ABCA13: variants seen among roughly 807,000 people sequenced by gnomAD.
ABCA13 encodes the protein ATP binding cassette subfamily A member 13.
ABCA13 carries 476 observed loss-of-function variants against 478.7 expected under a neutral mutation model. The ratio of observed to expected loss-of-function variants is 0.99; its 90% CI spans 0.92 to 1.07. The LOEUF (loss-of-function observed/expected upper bound fraction) is 1.07. Among genes scored for constraint, ABCA13 ranks in the 50% least tolerant of loss-of-function variants. The pLI is 0.00. For missense variants in ABCA13, 6,060 were observed against 5,910.6 expected (o/e 1.03, Z -0.83); for synonymous variants, 2,252 against 2,158.9 (o/e 1.04, Z -1.20).
intron 29 of ABCA13, among the ~76,000 whole-genome samples, chr7:48,344,601 A>G (rs1300499026): frequency 1.3e-5 from 2 of 152,182 alleles, no homozygotes; most frequent in African/African-American, 2.4e-5. Context: ...GACTTAAAGT[A>G]GCCTGTGTTT....
intron 3 of ABCA13, among the ~76,000 whole-genome samples, chr7:48,211,976 C>T (rs537290182): frequency 2.6e-5 from 4 of 152,140 alleles, no homozygotes; most frequent in African/African-American, 9.6e-5. Flanking sequence ...ATTGGTACTG[C>T]AACTCCACTG....
chr7:48,633,250 C>T (rs1380273869), intron 59 of ABCA13, among the ~76,000 whole-genome samples: 1 of 152,002 alleles, frequency 6.6e-6, no homozygotes, highest in Non-Finnish European at 1.5e-5. Flanking sequence ...TATGGAATGA[C>T]CAAAGGCACT....
intron 48 of ABCA13, among the ~76,000 whole-genome samples, chr7:48,496,321 T>C (rs1055106284): frequency 1.3e-5 from 2 of 152,114 alleles, no homozygotes; most frequent in Non-Finnish European, 2.9e-5. Context: ...ACTGATATTG[T>C]TATTTACTAC....
At chr7:48,316,390 T>A (rs1327144227) in intron 26 of ABCA13, among the ~76,000 whole-genome samples, 1 of 152,264 alleles carries the variant, frequency 6.6e-6, no homozygotes, top group Non-Finnish European at 1.5e-5. Context: ...ATTTATTTTT[T>A]GAATTGTCAT....
In ABCA13 at chr7:48,387,777, A is replaced by T. The variant is rs755886451; in HGVS notation, c.11336-45A>T. ...TAAGATATTCTAATACAGTACCTTC[A>T]TCTAAATAAAAAATTAAACTAATTT... On this transcript the variant is annotated intron_variant, in intron 35 of 61. Coordinates refer to ENST00000435803, the MANE Select transcript of ABCA13 (RefSeq NM_152701.5). 4.2e-6 allele frequency: 6 copies of T among 1,428,876 alleles called. No individual in the cohort carries two copies. In the South Asian group the frequency reaches 8.2e-5, roughly 20 times the overall value. 88.5% of individuals were successfully genotyped at this position (1,428,876 alleles called of 1,614,324 possible).
chr7:48,269,846 G>C (rs1370985865), intron 16 of ABCA13, among the ~76,000 whole-genome samples: 3 of 152,186 alleles, frequency 2.0e-5, no homozygotes, highest in Non-Finnish European at 4.4e-5. Context: ...TATCTGTCTA[G>C]AATGGGGATT....
At chr7:48,347,462 C>A (rs2128973362) in intron 29 of ABCA13, among the ~76,000 whole-genome samples, 1 of 152,304 alleles carries the variant, frequency 6.6e-6, no homozygotes, top group African/African-American at 2.4e-5. Flanking sequence ...GCACAGTATG[C>A]TGGAGTCACC....
Position 48,521,438 on chromosome 7 carries a change from C to T in ABCA13, c.14051+1144C>T, listed in dbSNP as rs542355218. Among the ~76,000 whole-genome samples the T allele has an allele frequency of 2.6e-5, 4 of 152,246 alleles. 1 individual carries two copies. Among genetic ancestry groups the T allele is most frequent in the African/African-American group, 9.6e-5 (4 of 41,550 alleles). On this transcript the variant is annotated intron_variant, in intron 53 of 61. Transcript: ENST00000435803. ...TCCTGACATATTTTGTTACATAACC[C>T]CTTTTAATAAAGTAAAATAGACACC...
intron 3 of ABCA13, among the ~76,000 whole-genome samples, chr7:48,215,219 T>C (rs1345948516): frequency 1.3e-5 from 2 of 152,314 alleles, no homozygotes; most frequent in South Asian, 2.1e-4. Flanking sequence ...TGTAGGGTTA[T>C]TAATTAGCCT....
At chr7:48,471,649 C>A (rs1333527196) in intron 45 of ABCA13, 50 bp downstream of exon 45, 2 of 1,473,566 alleles carry the variant, frequency 1.4e-6, no homozygotes, top group Admixed American at 2.2e-5. Context: ...ATTCAAGTGA[C>A]AAAAATGAGT....
chr7:48,376,945 A>G (rs1016305766), intron 35 of ABCA13, among the ~76,000 whole-genome samples: 2 of 152,070 alleles, frequency 1.3e-5, no homozygotes, highest in African/African-American at 4.8e-5. Flanking sequence ...TTGGCCAGAA[A>G]GTCACTCCTA....
chr7:48,440,722 T>C (rs1246616854), intron 42 of ABCA13, among the ~76,000 whole-genome samples: 1 of 151,770 alleles, frequency 6.6e-6, no homozygotes, highest in Middle Eastern at 4.7e-3. Context: ...ATCCTCTATA[T>C]AGGATATATA....
chr7:48,638,127 G>A (rs117339379), intron 59 of ABCA13, among the ~76,000 whole-genome samples: 24 of 152,286 alleles, frequency 1.6e-4, no homozygotes, highest in Admixed American at 3.3e-4. Flanking sequence ...TCTTAGATGC[G>A]AAGTCAGAGA....
At chr7:48,531,132 T>A (rs113891530) in intron 55 of ABCA13, among the ~76,000 whole-genome samples, 18,348 of 152,204 alleles carry the variant, frequency 0.12, 1,327 homozygotes, top group East Asian at 0.17. Flanking sequence ...GTCTTAGATT[T>A]AAGTCTTTGA....
chr7:48,309,881 G>T, intron 23 of ABCA13, 66 bp from the exon 24 acceptor site: 1 of 1,576,166 alleles, frequency 6.3e-7, no homozygotes, highest in Non-Finnish European at 8.7e-7. Context: ...TGAAGCTCCG[G>T]TCTGAGGTGG....
At chr7:48,543,129 G>A (rs1834044472) in intron 55 of ABCA13, among the ~76,000 whole-genome samples, 1 of 151,422 alleles carries the variant, frequency 6.6e-6, no homozygotes, top group South Asian at 2.1e-4. Context: ...TATTCAATAA[G>A]GACATTTCTT....
chr7:48,645,324 G>A, intron 61 of ABCA13, 93 bp from the exon 62 acceptor site: 2 of 905,236 alleles, frequency 2.2e-6, no homozygotes, highest in Non-Finnish European at 3.4e-6. Context: ...AGGGCAAGTT[G>A]GCCAGTGTTC....
intron 55 of ABCA13, among the ~76,000 whole-genome samples, chr7:48,529,032 C>T (rs1168206757): frequency 1.3e-5 from 2 of 152,174 alleles, no homozygotes; most frequent in African/African-American, 2.4e-5. Context: ...TCTTCACCTC[C>T]TTCTAAACTG....
At chr7:48,219,883 A>AACACACACACACAC (rs3065570) in intron 4 of ABCA13, among the ~76,000 whole-genome samples, 1 of 126,510 alleles carries the variant, frequency 7.9e-6, no homozygotes, top group Non-Finnish European at 1.7e-5. Context: ...ACCTTCCCCA[A>AACACACACACACAC]ACACACACAC....
Sources: allele counts gnomAD v4.1 joint callset (sites outside exome capture counted in the v4.1 genomes callset), GRCh38; gene constraint gnomAD v4.1.1; transcripts MANE v1.5; gene names NCBI Gene and HGNC (gene_info 2026-07-23, HGNC 2026-07-21).